Variants in DCBLD1 observed in about 807,000 individuals in gnomAD.
The protein encoded by DCBLD1 is discoidin, CUB and LCCL domain containing 1, also known as discoidin, CUB and LCCL domain-containing protein 1.
In DCBLD1, 57 loss-of-function variants were observed where a neutral mutation model predicts 71.5. The observed-to-expected ratio is 0.80, with a 90% CI of 0.64 to 0.99. The LOEUF (loss-of-function observed/expected upper bound fraction) is 0.99. Among genes scored for constraint, DCBLD1 ranks in the 50% least tolerant of loss-of-function variants. DCBLD1 has a pLI of 0.00. For missense variants in DCBLD1, 891 were observed against 923.5 expected, an observed-to-expected ratio of 0.96 and a Z score of 0.46; for synonymous variants, 380 against 363.8, an observed-to-expected ratio of 1.04 and a Z score of -0.51.
chr6:117,500,585 G>GTATCACC (rs1562433860), intron 1 of DCBLD1, among the ~76,000 whole-genome samples: 1 of 152,152 alleles, frequency 6.6e-6, no homozygotes, highest in Non-Finnish European at 1.5e-5. Context: ...GTGATACCCT[G>GTATCACC]GCCGGGTGCG....
At chr6:117,509,620 C>G (rs1777950622) in intron 2 of DCBLD1, among the ~76,000 whole-genome samples, 4 of 152,098 alleles carry the variant, frequency 2.6e-5, no homozygotes. Context: ...CTCTTCCCAG[C>G]CGCCTCTTCT....
intron 2 of DCBLD1, 147 bp downstream of exon 2, chr6:117,504,126 T>C: frequency 1.2e-6 from 1 of 840,742 alleles, no homozygotes. Context: ...CTTAGAAGGA[T>C]ACATTTGCTT....
chr6:117,554,659 C>T (rs2114587520), downstream of DCBLD1, among the ~76,000 whole-genome samples: 2 of 152,252 alleles, frequency 1.3e-5, 1 homozygote, highest in South Asian at 4.1e-4. Flanking sequence ...CTTTGGGAGG[C>T]TGAGGCGGGC....
intron 1 of DCBLD1, among the ~76,000 whole-genome samples, chr6:117,500,311 G>C (rs185569504): frequency 1.7e-4 from 26 of 152,248 alleles, no homozygotes; most frequent in Admixed American, 1.6e-3. Flanking sequence ...ATGACAGTTC[G>C]CTTTTTAATA....
rs901213116 is a variant in DCBLD1 at position 117,547,932 on chromosome 6, C to T, written c.1641C>T (p.Gly547=). The part of the protein sequence containing the change: ...MADYQQPLMI[G]TGTVTRKGST... ...ATTACCAGCAGCCCCTCATGATTGG[C>T]ACCGGGACAGTCACGAGGAAGGGCT... Residue 547 remains glycine, a synonymous_variant, in exon 15 of 15, where the codon GGC becomes GGT. Transcript: ENST00000338728. The T allele has an allele frequency of 5.8e-6, 9 of 1,550,448 alleles. No homozygotes were observed. The highest frequency in any genetic ancestry group is 1.4e-5 in the African/African-American group (1 of 73,056).
intron 14 of DCBLD1, chr6:117,563,059 T>C (rs1380650473): frequency 1.5e-5 from 8 of 542,956 alleles, no homozygotes; most frequent in Non-Finnish European, 2.6e-5. Context: ...TTACATGCAA[T>C]AGCTAATTAT....
chr6:117,560,358 T>TA (rs1405968076), intron 14 of DCBLD1: 1 of 181,384 alleles, frequency 5.5e-6, no homozygotes, highest in African/African-American at 2.4e-5. Flanking sequence ...TACAGGCTAA[T>TA]AAAAAAATAT....
Position 117,538,971 on chromosome 6 carries a change from A to G in DCBLD1, c.976+136A>G, listed in dbSNP as rs73766231. 5,249 of 935,302 alleles carry G rather than the reference A, an allele frequency of 5.6e-3. 218 individuals are homozygous for G. The African/African-American group carries it at 0.079, about 14-fold the overall frequency. The allele number at this position is 935,302 out of a possible 1,614,324, so 57.9% of individuals were successfully genotyped here. ...AGTTCTTGAAATATTTGAAAATGTA[A>G]CAAATCTTTACATTCTTTCTGTGAA... On this transcript the variant is annotated intron_variant, in intron 8 of 14. Transcript: ENST00000338728.
At chr6:117,533,379 A>G (rs912524859) in intron 6 of DCBLD1, among the ~76,000 whole-genome samples, 4 of 152,100 alleles carry the variant, frequency 2.6e-5, no homozygotes, top group African/African-American at 9.7e-5. Flanking sequence ...CAGAAGGAAC[A>G]TGGTCGTATT....
Position 117,560,299 on chromosome 6 carries a change from A to T in DCBLD1, c.1616-9321A>T, listed in dbSNP as rs551701420. The stretch of plus-strand genomic sequence containing the variant: ...CGTCAAGGAAACAAAATGTTTATTT[A>T]AAAAAATGAGATCAATATCATTTTA... On this transcript the variant is annotated intron_variant, in intron 14 of 14. Coordinates refer to the DCBLD1 transcript ENST00000296955. 18 of 175,056 alleles carry T rather than the reference A, an allele frequency of 1.0e-4. No individual in the cohort carries two copies. In the South Asian group the frequency reaches 3.4e-3, roughly 33 times the overall value. 10.8% of individuals were successfully genotyped at this position (175,056 alleles called of 1,614,324 possible). A position where few individuals can be genotyped will look rare whatever the true frequency, so the allele number is the denominator to read the frequency against.
intron 1 of DCBLD1, among the ~76,000 whole-genome samples, chr6:117,503,362 C>G (rs1777727893): frequency 6.6e-6 from 1 of 152,220 alleles, no homozygotes; most frequent in Non-Finnish European, 1.5e-5. Flanking sequence ...CTCATTTAAT[C>G]AGCACAACCA....
Position 117,482,678 on chromosome 6 carries a change from C to A in DCBLD1, c.-104C>A. ...GCGGGGCAGCGACTGCGCCCCGTCC[C>A]GGCGCCGCGCTCGTCCGCAGAGGAG... On this transcript the variant is annotated 5_prime_UTR_variant, in exon 1 of 15. Coordinates refer to ENST00000338728, the MANE Select transcript of DCBLD1 (RefSeq NM_001366458.2). The A allele has an allele frequency of 1.9e-6, 2 of 1,078,084 alleles. No individual in the cohort carries two copies. Among genetic ancestry groups the A allele is most frequent in the Non-Finnish European group, 2.2e-6 (2 of 890,906 alleles). The allele number at this position is 1,078,084 out of a possible 1,614,324, so 66.8% of individuals were successfully genotyped here.
At chr6:117,556,257 G>T (rs1452417634) in intron 14 of DCBLD1, among the ~76,000 whole-genome samples, 2 of 152,092 alleles carry the variant, frequency 1.3e-5, no homozygotes, top group African/African-American at 4.8e-5. Context: ...TAGAAGTGCA[G>T]GTTTTGTACA....
rs979930954 is a variant in DCBLD1, at chr6:117,549,046, A to G, written c.*607A>G. ...GAAAAGCACACCAGGGTGGTTGTTTATTTAGCAATTATGACTGTAGATTTA... is the reference window on the plus strand; with the variant it reads ...GAAAAGCACACCAGGGTGGTTGTTTGTTTAGCAATTATGACTGTAGATTTA... On this transcript the variant is annotated 3_prime_UTR_variant, in exon 15 of 15. Coordinates refer to ENST00000338728, the MANE Select transcript of DCBLD1 (RefSeq NM_001366458.2). 6 of 986,184 alleles carry G rather than the reference A, an allele frequency of 6.1e-6. No individual in the cohort carries two copies. The highest frequency in any genetic ancestry group is 1.2e-4 in the Admixed American group (2 of 16,394). The allele number at this position is 986,184 out of a possible 1,614,324, so 61.1% of individuals were successfully genotyped here. A position where few individuals can be genotyped will look rare whatever the true frequency, so the allele number is the denominator to read the frequency against.
At chr6:117,510,405 T>C (rs1020584259) in intron 2 of DCBLD1, among the ~76,000 whole-genome samples, 1 of 151,558 alleles carries the variant, frequency 6.6e-6, no homozygotes, top group Non-Finnish European at 1.5e-5. Flanking sequence ...CCTTCAAGTT[T>C]CAAATTCAGG....
At chr6:117,519,763 C>T (rs1438530065) in intron 2 of DCBLD1, 53 bp from the exon 3 acceptor site, 1 of 1,580,790 alleles carries the variant, frequency 6.3e-7, no homozygotes, top group Non-Finnish European at 8.7e-7. Context: ...ATATACCAGT[C>T]ATTTGTGCTG....
chr6:117,541,170 T>C (rs1048625734), intron 11 of DCBLD1, 145 bp downstream of exon 11: 2 of 690,616 alleles, frequency 2.9e-6, no homozygotes, highest in Non-Finnish European at 2.4e-6. Context: ...TGTAAAATGA[T>C]GTATGTTTAC....
downstream of DCBLD1, among the ~76,000 whole-genome samples, chr6:117,552,828 CCT>C (rs1232775672): frequency 2.0e-5 from 3 of 152,212 alleles, no homozygotes; most frequent in African/African-American, 7.2e-5. Flanking sequence ...CTCAAAACCC[CCT>C]GAGTTCTTCA....
chr6:117,544,065 G>A (rs1417836454), intron 12 of DCBLD1, among the ~76,000 whole-genome samples: 1 of 152,194 alleles, frequency 6.6e-6, no homozygotes, highest in Admixed American at 6.5e-5. Context: ...AATAGTTTCT[G>A]CCATCATGAG....
Sources: gnomAD v4.1 joint callset for allele counts (sites outside exome capture counted in the v4.1 genomes callset) on GRCh38, gnomAD v4.1.1 for gene constraint, MANE v1.5 for transcripts, NCBI Gene and HGNC (gene_info 2026-07-23, HGNC 2026-07-21) for gene names.